GYS1: variants seen among roughly 807,000 people sequenced by gnomAD.
GYS1 encodes glycogen synthase 1.
Under a neutral mutation model 89.1 loss-of-function variants are expected in GYS1, and 60 were observed. The ratio of observed to expected loss-of-function variants is 0.67; its 90% CI spans 0.55 to 0.84. The LOEUF (loss-of-function observed/expected upper bound fraction) is 0.84. Among genes scored for constraint, GYS1 ranks in the 40% least tolerant of loss-of-function variants. The pLI is 0.00. For synonymous variants in GYS1, 366 were observed against 401.7 expected, an observed-to-expected ratio of 0.91 and a Z score of 1.06; for missense variants, 888 against 1,003.1, an observed-to-expected ratio of 0.89 and a Z score of 1.55.
chr19:48,981,486 T>C, intron 8 of GYS1, 44 bp downstream of exon 8: 1 of 1,020,792 alleles, frequency 9.8e-7, no homozygotes, highest in Non-Finnish European at 1.6e-6. Flanking sequence ...AAAGCATGCA[T>C]CTGGGAGTGG....
chr19:48,978,734 G>A (rs187376360), intron 8 of GYS1, among the ~76,000 whole-genome samples: 56 of 151,798 alleles, frequency 3.7e-4, no homozygotes, highest in Non-Finnish European at 7.4e-5. Flanking sequence ...GTTTCACCAC[G>A]TTGGCCAGGC....
intron 7 of GYS1, among the ~76,000 whole-genome samples, 166 bp from the exon 8 acceptor site, chr19:48,981,802 T>A (rs1401897846): frequency 1.3e-5 from 2 of 152,082 alleles, no homozygotes; most frequent in Non-Finnish European, 2.9e-5. Flanking sequence ...GTCTCTATAC[T>A]CCCCTCACGG....
rs1001500618 is a variant in GYS1, at chr19:48,991,108, G to A, written c.300+194C>T. On this transcript the variant is annotated intron_variant, in intron 2 of 15. Coordinates refer to ENST00000323798, the MANE Select transcript of GYS1 (RefSeq NM_002103.5). The surrounding 1 kb of genome is among the most constrained non-coding windows in gnomAD (Gnocchi z 4.7). ...ATACTTGCCATCTGTCTGTCCATTC[G>A]CCCATGTCTGGGATCCACCCACCCA... Among the ~76,000 whole-genome samples, 4 of 152,148 alleles carry A rather than the reference G, an allele frequency of 2.6e-5. No homozygotes were observed. Among genetic ancestry groups the A allele is most frequent in the East Asian group, 1.9e-4 (1 of 5,186 alleles).
In GYS1 at chr19:48,987,958, G is replaced by A. The variant is rs377077403; in HGVS notation, c.301-573C>T. 3.9e-5 allele frequency among the ~76,000 whole-genome samples: 6 copies of A among 152,056 alleles called. No homozygotes were observed. In the East Asian group the frequency reaches 9.6e-4, roughly 24 times the overall value. On this transcript the variant is annotated intron_variant, in intron 2 of 15. Transcript: ENST00000323798. ...TGGGACTACAGCGGCCCGCCACCAC[G>A]CCCGGCTACTTTTTTTTGTATTTTC...
At position 48,969,541 on chromosome 19, in the gene GYS1, G is replaced by A. The variant is rs886054569; in HGVS notation, c.1961C>T (p.Pro654Leu). Reference protein sequence around the residue: ...PSPSLSRHSSPHQSEDEEDPR... With the variant: ...PSPSLSRHSSLHQSEDEEDPR... ...ATCCTCCTCGTCCTCACTCTGGTGC[G>A]GGCTGGAGTGTCGTGACAGCGAGGG... Residue 654 changes from proline (P) to leucine (L), a missense_variant, in exon 16 of 16, where the codon CCG (proline) becomes CTG (leucine). Physicochemically the swap from Pro to Leu is moderately conservative, Grantham distance 98. Transcript: ENST00000323798. 6 of 1,541,252 alleles carry A rather than the reference G, an allele frequency of 3.9e-6. No homozygotes were observed. The highest frequency in any genetic ancestry group is 5.2e-6 in the Non-Finnish European group (6 of 1,146,892).
chr19:48,976,247 A>G (rs985567528), intron 10 of GYS1, among the ~76,000 whole-genome samples: 2 of 152,160 alleles, frequency 1.3e-5, no homozygotes, highest in African/African-American at 2.4e-5. Context: ...TGTTTCTACA[A>G]CTTAGCTGTC....
rs139547745 is a variant in GYS1, at chr19:48,977,678, C to A, written c.1308+246G>T. Among the ~76,000 whole-genome samples, 76 of 152,286 alleles carry A rather than the reference C, an allele frequency of 5.0e-4. 1 individual carries two copies. In the East Asian group the frequency reaches 0.012, roughly 25 times the overall value. On this transcript the variant is annotated intron_variant, in intron 10 of 15. Coordinates refer to ENST00000323798, the MANE Select transcript of GYS1 (RefSeq NM_002103.5). ...ACCCCAGAATCCCAGAGAAACCACA[C>A]GTCCCAGCAACCCTCGTGGCAGAAT... is the stretch of plus-strand genomic sequence containing the variant.
chr19:48,982,738 A>G lies in GYS1; in HGVS notation c.923T>C (p.Val308Ala). The G allele has an allele frequency of 6.2e-7, 1 of 1,612,228 alleles. No individual in the cohort carries two copies. Among genetic ancestry groups the G allele is most frequent in the Non-Finnish European group, 8.5e-7 (1 of 1,178,346 alleles). ...CACGTACCCATAAAAATGGCCCCGC[A>G]CAAACTCCTGGATTCGAGCCTTGCT... ...AQSKARIQEFVRGHFYGHLDF... is the reference protein window; with the variant it reads ...AQSKARIQEFARGHFYGHLDF... Residue 308 changes from valine to alanine, a missense_variant, in exon 6 of 16, where the codon GTG becomes GCG. Transcript: ENST00000323798.
chr19:48,970,813 C>A (rs988809717), intron 13 of GYS1, 104 bp from the exon 14 acceptor site: 4 of 1,396,238 alleles, frequency 2.9e-6, no homozygotes, highest in Non-Finnish European at 4.1e-6. Context: ...GGCCCGAGAG[C>A]CCCCCCATTT....
intron 2 of GYS1, among the ~76,000 whole-genome samples, chr19:48,989,029 CTCCTTCCTTCCTTCCTTGCT>C (rs2038882069): frequency 6.6e-6 from 1 of 151,948 alleles, no homozygotes; most frequent in African/African-American, 2.4e-5. Context: ...AGTCCACAGC[CTCCTTCCTTCCTTCCTTGCT>C]TCCTTCCTTC....
intron 5 of GYS1, among the ~76,000 whole-genome samples, chr19:48,984,556 C>T (rs147747146): frequency 0.013 from 2,004 of 151,550 alleles, 41 homozygotes; most frequent in African/African-American, 0.041. Flanking sequence ...CCACCACGCC[C>T]GGCTAATTTT....
intron 12 of GYS1, 71 bp downstream of exon 12, chr19:48,974,142 G>GTT: frequency 6.7e-7 from 1 of 1,498,924 alleles, no homozygotes; most frequent in Non-Finnish European, 9.1e-7. Flanking sequence ...GAAGGCCAGT[G>GTT]CCTCGCCCCA....
intron 12 of GYS1, among the ~76,000 whole-genome samples, chr19:48,972,024 G>C (rs2038572650): frequency 6.7e-6 from 1 of 148,480 alleles, no homozygotes; most frequent in Non-Finnish European, 1.5e-5. Flanking sequence ...ACTACGCATG[G>C]CTAATTAAAA....
rs1216797101 is a variant in GYS1, at chr19:48,977,853, A to T, written c.1308+71T>A. On this transcript the variant is annotated intron_variant, in intron 10 of 15. Transcript: ENST00000323798. ...GACTCCCAGCAATCTCTGGGGTCTG[A>T]GCTGGCCTGGCAAGCTGCCTCTGGG... 4 of 1,134,982 alleles carry T rather than the reference A, an allele frequency of 3.5e-6. No individual in the cohort carries two copies. In the East Asian group the frequency reaches 9.4e-5, roughly 27 times the overall value. 70.3% of individuals were successfully genotyped at this position (1,134,982 alleles called of 1,614,324 possible).
Position 48,968,447 on chromosome 19 carries a change from T to C in GYS1, c.*841A>G, listed in dbSNP as rs75797604. On this transcript the variant is annotated 3_prime_UTR_variant, in exon 16 of 16. Transcript: ENST00000323798. ...GTGGTTTCACAGTGGGCAGAGCAGT[T>C]GGGAATAAGCCAGGTTAGGGGTGGG... The C allele has an allele frequency of 4.5e-3, 2,046 of 454,488 alleles. 35 individuals carry two copies. Among genetic ancestry groups the C allele is most frequent in the African/African-American group, 0.036 (1,789 of 50,096 alleles). 28.2% of individuals were successfully genotyped at this position (454,488 alleles called of 1,614,324 possible). A position where few individuals can be genotyped will look rare whatever the true frequency, so the allele number is the denominator to read the frequency against.
intron 8 of GYS1, 58 bp downstream of exon 8, chr19:48,981,472 A>G: frequency 1.1e-6 from 1 of 910,404 alleles, no homozygotes; most frequent in East Asian, 2.4e-5. Flanking sequence ...GAAACACAGG[A>G]CCCAAAGCAT....
At chr19:48,989,720 C>T (rs181266103) in intron 2 of GYS1, among the ~76,000 whole-genome samples, 7 of 152,216 alleles carry the variant, frequency 4.6e-5, no homozygotes, top group African/African-American at 1.4e-4. Flanking sequence ...CCACCGCCCT[C>T]GGCCACGCCA....
At chr19:48,989,408 G>A (rs1473380250) in intron 2 of GYS1, among the ~76,000 whole-genome samples, 3 of 151,708 alleles carry the variant, frequency 2.0e-5, no homozygotes, top group Admixed American at 6.6e-5. Context: ...CTTGAACGCG[G>A]GAGGCGGAGG....
chr19:48,971,861 C>CTTT (rs540518757), intron 12 of GYS1, among the ~76,000 whole-genome samples: 2 of 137,960 alleles, frequency 1.4e-5, no homozygotes, highest in African/African-American at 2.7e-5. Flanking sequence ...TGGCCCAATG[C>CTTT]TTTTTTTTTT....
Sources: allele counts gnomAD v4.1 joint callset (sites outside exome capture counted in the v4.1 genomes callset), GRCh38; gene constraint gnomAD v4.1.1; non-coding constraint Gnocchi (gnomAD v3.1); transcripts MANE v1.5; gene names NCBI Gene and HGNC (gene_info 2026-07-23, HGNC 2026-07-21).